FRYL: variants seen among roughly 807,000 people sequenced by gnomAD.
The protein encoded by FRYL is FRY like transcription coactivator.
FRYL carries 150 observed loss-of-function variants against 351.2 expected under a neutral mutation model. The ratio of observed to expected loss-of-function variants is 0.43; its 90% CI spans 0.37 to 0.49. The LOEUF is 0.49. Ranked by LOEUF, FRYL falls within the 20% of genes least tolerant of loss-of-function variation. The pLI is 0.00. For missense variants in FRYL, 3,036 were observed against 3,619.3 expected (o/e 0.84, Z 4.13); for synonymous variants, 1,153 against 1,257.1 (o/e 0.92, Z 1.75).
chr4:48,716,070 A>G (rs1365185476), intron 1 of FRYL, among the ~76,000 whole-genome samples: 4 of 152,236 alleles, frequency 2.6e-5, no homozygotes, highest in African/African-American at 9.6e-5. Context: ...CTGGCTAGCC[A>G]TATGTAAAAA....
At chr4:48,716,001 C>G (rs1279182034) in intron 1 of FRYL, among the ~76,000 whole-genome samples, 1 of 152,032 alleles carries the variant, frequency 6.6e-6, no homozygotes, top group African/African-American at 2.4e-5. Flanking sequence ...CTTTGACAAA[C>G]CTGAGAAAAA....
intron 7 of FRYL, among the ~76,000 whole-genome samples, chr4:48,615,272 C>A (rs2149302154): frequency 6.6e-6 from 1 of 152,304 alleles, no homozygotes; most frequent in Non-Finnish European, 1.5e-5. Context: ...AATGACAAGT[C>A]ACCTCCCATG....
chr4:48,593,086 G>A (rs1240106181), intron 16 of FRYL, among the ~76,000 whole-genome samples: 1 of 152,040 alleles, frequency 6.6e-6, no homozygotes, highest in Admixed American at 6.5e-5. Flanking sequence ...GACCATGGAA[G>A]CAGGATATAA....
intron 3 of FRYL, among the ~76,000 whole-genome samples, chr4:48,663,273 G>A (rs1307766129): frequency 6.6e-6 from 1 of 151,476 alleles, no homozygotes; most frequent in Non-Finnish European, 1.5e-5. Flanking sequence ...TTGAAAGTAG[G>A]CTGTGAGAAG....
intron 4 of FRYL, among the ~76,000 whole-genome samples, chr4:48,631,565 G>C (rs1412404600): frequency 6.6e-6 from 1 of 151,884 alleles, no homozygotes; most frequent in Non-Finnish European, 1.5e-5. Context: ...ACCACCACAA[G>C]CAGTGCCACA....
At chr4:48,630,521 CAG>C (rs769622146) in intron 4 of FRYL, among the ~76,000 whole-genome samples, 2 of 152,102 alleles carry the variant, frequency 1.3e-5, no homozygotes, top group Non-Finnish European at 2.9e-5. Flanking sequence ...AAAAGATTAA[CAG>C]ATAAACTTGG....
chr4:48,629,027 AAAT>A (rs1182533158), intron 4 of FRYL, among the ~76,000 whole-genome samples: 1 of 149,116 alleles, frequency 6.7e-6, no homozygotes, highest in Non-Finnish European at 1.5e-5. Context: ...TATAATTATA[AAAT>A]ATTATAATAC....
At chr4:48,628,906 T>C (rs1184555420) in intron 4 of FRYL, among the ~76,000 whole-genome samples, 1 of 151,806 alleles carries the variant, frequency 6.6e-6, no homozygotes, top group Non-Finnish European at 1.5e-5. Flanking sequence ...CATGAAAAAC[T>C]GGTAGACTAA....
At chr4:48,688,297 G>A (rs574548550) in intron 2 of FRYL, among the ~76,000 whole-genome samples, 3 of 152,182 alleles carry the variant, frequency 2.0e-5, no homozygotes, top group East Asian at 1.9e-4. Flanking sequence ...GGATGCAATC[G>A]TTTTCAAATA....
rs1417086457 is a variant in FRYL at position 48,603,293 on chromosome 4, T to C, written c.930A>G (p.Ser310=). 3.1e-6 allele frequency: 5 copies of C among 1,591,370 alleles called. No homozygotes were observed. Among genetic ancestry groups the C allele is most frequent in the African/African-American group, 2.7e-5 (2 of 74,200 alleles). The change falls in exon 12 of 64, where the codon TCA becomes TCG. Residue 310 remains serine, a synonymous_variant. Transcript: ENST00000358350. Reference sequence around the variant, plus strand: ...GGTTTGAAATGTTTCTTAATACCAATGAATGCTTCTTTCTCGAGCTCAGTT... The same window carrying C: ...GGTTTGAAATGTTTCTTAATACCAACGAATGCTTCTTTCTCGAGCTCAGTT... The part of the protein sequence containing the change: ...TFELSSRKKH[S]LALYPLITCL...
intron 3 of FRYL, among the ~76,000 whole-genome samples, chr4:48,671,957 A>G (rs1215433307): frequency 2.0e-5 from 3 of 150,774 alleles, no homozygotes; most frequent in Non-Finnish European, 4.4e-5. Context: ...TCAAGTGCTA[A>G]AATTTTCAGG....
rs1218393503 is a variant in FRYL, at chr4:48,562,010, T to C, written c.3697-374A>G. 2.0e-5 allele frequency among the ~76,000 whole-genome samples: 3 copies of C among 152,126 alleles called. No individual in the cohort carries two copies. In the East Asian group the frequency reaches 5.8e-4, roughly 29 times the overall value. On this transcript the variant is annotated intron_variant, in intron 32 of 63. Coordinates refer to ENST00000358350, the MANE Select transcript of FRYL (RefSeq NM_015030.2). ...TAGCCTGGGTGACAGAGTGAGACCC[T>C]ATCTCAAAAACAAAATGAAACAAAA...
intron 1 of FRYL, among the ~76,000 whole-genome samples, chr4:48,770,608 T>C (rs1190669636): frequency 6.6e-6 from 1 of 152,102 alleles, no homozygotes; most frequent in Non-Finnish European, 1.5e-5. Context: ...TGGCTAATTT[T>C]GTATTTTTAG....
intron 1 of FRYL, among the ~76,000 whole-genome samples, chr4:48,756,713 G>C (rs1773825067): frequency 6.6e-6 from 1 of 152,156 alleles, no homozygotes; most frequent in African/African-American, 2.4e-5. Context: ...TTTGGGAGGT[G>C]GAGGTGGCAA....
At chr4:48,509,245 G>A (rs1419738724) in intron 59 of FRYL, among the ~76,000 whole-genome samples, 1 of 152,118 alleles carries the variant, frequency 6.6e-6, no homozygotes, top group Admixed American at 6.5e-5. Flanking sequence ...AGGATAAAGA[G>A]CCCCTACAAA....
intron 3 of FRYL, among the ~76,000 whole-genome samples, chr4:48,634,706 C>G (rs1366187226): frequency 6.6e-6 from 1 of 152,096 alleles, no homozygotes; most frequent in Non-Finnish European, 1.5e-5. Flanking sequence ...CTCTATCCTA[C>G]TAATGTGAAT....
chr4:48,597,095 G>A (rs1321473598), intron 13 of FRYL, among the ~76,000 whole-genome samples: 1 of 152,118 alleles, frequency 6.6e-6, no homozygotes, highest in African/African-American at 2.4e-5. Flanking sequence ...TTCCAATTAT[G>A]TTTGTTAGTA....
In FRYL at chr4:48,511,000, G is replaced by A. The variant is rs372744477; in HGVS notation, c.8146-16C>T. 8 of 1,596,548 alleles carry A rather than the reference G, an allele frequency of 5.0e-6. No individual in the cohort carries two copies. In the African/African-American group the frequency reaches 1.1e-4, roughly 22 times the overall value. On this transcript the variant is annotated splice_polypyrimidine_tract_variant and intron_variant, in intron 57 of 63. Transcript: ENST00000358350. Reference sequence around the variant, plus strand: ...TTTGAATTGTCTATGGAGAAAAGCAGAAGAAAGAGTTTAGTGTTTCATAAG... The same window carrying A: ...TTTGAATTGTCTATGGAGAAAAGCAAAAGAAAGAGTTTAGTGTTTCATAAG...
At chr4:48,741,893 G>A (rs1006518985) in intron 1 of FRYL, among the ~76,000 whole-genome samples, 2 of 152,190 alleles carry the variant, frequency 1.3e-5, no homozygotes, top group Non-Finnish European at 2.9e-5. Context: ...GTGGAGCACA[G>A]GGAATTTTTA....
Sources: allele counts gnomAD v4.1 joint callset (sites outside exome capture counted in the v4.1 genomes callset), GRCh38; gene constraint gnomAD v4.1.1; transcripts MANE v1.5; gene names NCBI Gene and HGNC (gene_info 2026-07-23, HGNC 2026-07-21).